Variants in CTSB observed in about 807,000 individuals in gnomAD.
CTSB encodes the protein APP secretase.
In CTSB, 57 loss-of-function variants were observed where a neutral mutation model predicts 44.3. The observed-to-expected ratio is 1.29, with a 90% CI of 1.04 to 1.60. The LOEUF is 1.60. Among genes scored for constraint, CTSB ranks in the 40% most tolerant of loss-of-function variants. The pLI, the probability that CTSB is intolerant of heterozygous loss-of-function variation, is 0.00. For missense variants in CTSB, 768 were observed against 443.0 expected, an observed-to-expected ratio of 1.73 and a Z score of -6.59; for synonymous variants, 320 against 168.0, an observed-to-expected ratio of 1.91 and a Z score of -7.00.
At chr8:11,859,767 CAAAAAAAAAAAAA>C (rs36047077) in intron 1 of CTSB, among the ~76,000 whole-genome samples, 4 of 38,980 alleles carry the variant, frequency 1.0e-4, no homozygotes, top group Non-Finnish European at 1.6e-4. Flanking sequence ...GACTCTGTCT[CAAAAAAAAAAAAA>C]AAAAAAAAAA....
intron 8 of CTSB, among the ~76,000 whole-genome samples, chr8:11,846,575 C>G (rs1027903047): frequency 1.3e-5 from 2 of 152,312 alleles, no homozygotes; most frequent in African/African-American, 2.4e-5. Flanking sequence ...GGGCAAGGTC[C>G]TCCCTGTGTG....
At chr8:11,852,020 C>A (rs577230447) in intron 3 of CTSB, among the ~76,000 whole-genome samples, 2 of 152,328 alleles carry the variant, frequency 1.3e-5, no homozygotes, top group South Asian at 2.1e-4. Flanking sequence ...AGTCTGCCCA[C>A]ATAGTGGGGA....
intron 1 of CTSB, among the ~76,000 whole-genome samples, chr8:11,856,742 A>G (rs192672914): frequency 1.3e-5 from 2 of 152,276 alleles, no homozygotes; most frequent in East Asian, 1.9e-4. Flanking sequence ...CCTCTCAGCA[A>G]TCTACACATG....
At chr8:11,848,271 G>C (rs750298529) in intron 5 of CTSB, 119 bp from the exon 6 acceptor site, 13 of 857,846 alleles carry the variant, frequency 1.5e-5, no homozygotes, top group Non-Finnish European at 2.4e-5. Flanking sequence ...GCAGCAAGTG[G>C]TGCGAGCAGA....
chr8:11,858,683 G>A (rs894297857), intron 1 of CTSB, among the ~76,000 whole-genome samples: 3 of 152,198 alleles, frequency 2.0e-5, no homozygotes, highest in African/African-American at 7.2e-5. Flanking sequence ...CTCAAAAAGT[G>A]TCAAGCCAAA....
chr8:11,851,407 C>A (rs1206188475), intron 3 of CTSB, among the ~76,000 whole-genome samples: 1 of 152,138 alleles, frequency 6.6e-6, no homozygotes, highest in Non-Finnish European at 1.5e-5. Flanking sequence ...CCAGGCTGGT[C>A]TTAAACTCCT....
rs1250079152 is a variant in CTSB, at chr8:11,848,958, AG to A, written c.446+87del. The A allele has an allele frequency of 6.4e-6, 6 of 933,786 alleles. No individual in the cohort carries two copies. The African/African-American group carries it at 8.1e-5, about 13-fold the overall frequency. 57.8% of individuals were successfully genotyped at this position (933,786 alleles called of 1,614,324 possible). On this transcript the variant is annotated intron_variant, in intron 5 of 9. Coordinates refer to ENST00000353047, the MANE Select transcript of CTSB (RefSeq NM_001908.5). ...AACACTTCTGACTCGCAGCAGTCCC[AG>A]GAAGTCCTCAAAGTCCCCTCCACTG...
chr8:11,845,841 C>G (rs1486486786), intron 8 of CTSB, 52 bp from the exon 9 acceptor site: 1 of 1,539,840 alleles, frequency 6.5e-7, no homozygotes, highest in Admixed American at 1.8e-5. Flanking sequence ...GTCCCACGCC[C>G]CACAGCACCC....
chr8:11,864,034 C>A (rs1008405186), intron 1 of CTSB, among the ~76,000 whole-genome samples: 1 of 152,126 alleles, frequency 6.6e-6, no homozygotes, highest in Non-Finnish European at 1.5e-5. Context: ...GATAAACACA[C>A]TGGGCACTTA....
intron 1 of CTSB, among the ~76,000 whole-genome samples, chr8:11,864,800 G>C (rs937695750): frequency 2.0e-5 from 3 of 151,906 alleles, no homozygotes; most frequent in African/African-American, 7.3e-5. Flanking sequence ...TCTAATCCCA[G>C]CTACTCCGGA....
In CTSB at chr8:11,852,454, TGAAAA is replaced by T. The variant is rs1334212376; in HGVS notation, c.212+151_212+155del. ...ATAAAAAGAGAAAGTAATATAAAAA[TGAAAA>T]GAAACAAGTACTGTACCTCAAGCGG... On this transcript the variant is annotated intron_variant, in intron 3 of 9. Coordinates refer to ENST00000353047, the MANE Select transcript of CTSB (RefSeq NM_001908.5). Among the ~76,000 whole-genome samples the T allele has an allele frequency of 1.1e-4, 17 of 152,048 alleles. 1 individual carries two copies. Among genetic ancestry groups the T allele is most frequent in the African/African-American group, 3.6e-4 (15 of 41,390 alleles).
intron 5 of CTSB, chr8:11,848,600 C>T (rs548521337): frequency 6.1e-6 from 2 of 326,966 alleles, no homozygotes; most frequent in African/African-American, 2.1e-5. Flanking sequence ...GATCTGCAGC[C>T]GCCAGTGAAC....
rs1232911737 is a variant in CTSB at position 11,845,206 on chromosome 8, G to C, written c.939C>G (p.Leu313=). 2.5e-6 allele frequency: 4 copies of C among 1,613,212 alleles called. No individual in the cohort carries two copies. The highest frequency in any genetic ancestry group is 2.2e-5 in the South Asian group (2 of 91,064). Residue 313 remains leucine, a synonymous_variant, in exon 10 of 10, where the codon CTC becomes CTG. Transcript: ENST00000353047. ...DWGDNGFFKI[L]RGQDHCGIES... ...CGATTCCACAGTGATCCTGTCCTCT[G>C]AGTATTTTAAAGAAGCCTGGGAATA...
At chr8:11,853,145 G>A (rs1814905817) in intron 2 of CTSB, among the ~76,000 whole-genome samples, 184 bp downstream of exon 2, 1 of 152,008 alleles carries the variant, frequency 6.6e-6, no homozygotes. Flanking sequence ...GCACACACGT[G>A]GGGTATGGGA....
chr8:11,852,712 CACTG>C lies in CTSB; in HGVS notation c.127-21_127-18del, dbSNP rs1030220036. Reference sequence around the variant, plus strand: ...GTGCCCGGCCTGGAAGAGAGTCACCCACTGACTGAAGGGTCTCCCGGGATGGCGG... The same window carrying C: ...GTGCCCGGCCTGGAAGAGAGTCACCCACTGAAGGGTCTCCCGGGATGGCGG... On this transcript the variant is annotated intron_variant, in intron 2 of 9. Transcript: ENST00000353047. The C allele has an allele frequency of 6.2e-7, 1 of 1,611,900 alleles. No homozygotes were observed. Among genetic ancestry groups the C allele is most frequent in the Admixed American group, 1.7e-5 (1 of 59,964 alleles).
rs1043523201 is a variant in CTSB at position 11,848,064 on chromosome 8, T to C, written c.532+3A>G. 2 of 1,609,498 alleles carry C rather than the reference T, an allele frequency of 1.2e-6. No homozygotes were observed. The highest frequency in any genetic ancestry group is 1.7e-5 in the Admixed American group (1 of 59,826). Reference sequence around the variant, plus strand: ...CAGAAAGTGGCCAAGGGGACACACTTACCTACATGGGATTCATAGAGGCCA... The same window carrying C: ...CAGAAAGTGGCCAAGGGGACACACTCACCTACATGGGATTCATAGAGGCCA... On this transcript the variant is annotated splice_donor_region_variant and intron_variant, in intron 6 of 9. Transcript: ENST00000353047.
intron 2 of CTSB, 81 bp from the exon 3 acceptor site, chr8:11,852,776 C>G: frequency 3.8e-6 from 5 of 1,324,078 alleles, no homozygotes; most frequent in Non-Finnish European, 5.3e-6. Flanking sequence ...GAAGCCCAAC[C>G]CAGGGAAAAC....
At chr8:11,854,376 G>A (rs993187678) in intron 1 of CTSB, among the ~76,000 whole-genome samples, 1 of 152,134 alleles carries the variant, frequency 6.6e-6, no homozygotes, top group African/African-American at 2.4e-5. Flanking sequence ...TTAACAAACT[G>A]CCTGGCACCT....
At chr8:11,857,244 C>T (rs1410282029) in intron 1 of CTSB, among the ~76,000 whole-genome samples, 1 of 152,190 alleles carries the variant, frequency 6.6e-6, no homozygotes, top group African/African-American at 2.4e-5. Context: ...TCTTGAACTC[C>T]TGGCTTCAAG....
Sources: gnomAD v4.1 joint callset for allele counts (sites outside exome capture counted in the v4.1 genomes callset) on GRCh38, gnomAD v4.1.1 for gene constraint, MANE v1.5 for transcripts, NCBI Gene and HGNC (gene_info 2026-07-23, HGNC 2026-07-21) for gene names.